The following TSHZ2 variants were observed in gnomAD, a reference collection of about 807,000 sequenced individuals.
The protein encoded by TSHZ2 is teashirt zinc finger homeobox 2, also known as teashirt homolog 2.
In TSHZ2, 21 loss-of-function variants were observed where a neutral mutation model predicts 74.4. The ratio of observed to expected loss-of-function variants is 0.28; its 90% CI spans 0.20 to 0.41. TSHZ2 has a LOEUF of 0.41. TSHZ2 is among the 10% of genes least tolerant of loss of function. The pLI is 1.00. For synonymous variants in TSHZ2, 540 were observed against 515.3 expected, an observed-to-expected ratio of 1.05 and a Z score of -0.65; for missense variants, 1,244 against 1,293.5, an observed-to-expected ratio of 0.96 and a Z score of 0.59.
chr20:53,139,104 A>G (rs879302256), intron 1 of TSHZ2, among the ~76,000 whole-genome samples: 3 of 152,036 alleles, frequency 2.0e-5, no homozygotes, highest in Non-Finnish European at 4.4e-5. Flanking sequence ...TCTTTAAATT[A>G]CTCTGAAACA....
At chr20:53,034,642 C>G (rs1454762518) in intron 1 of TSHZ2, among the ~76,000 whole-genome samples, 3 of 152,214 alleles carry the variant, frequency 2.0e-5, no homozygotes, top group African/African-American at 4.8e-5. Flanking sequence ...AACATGAAAA[C>G]AGTTACCAAT....
intron 2 of TSHZ2, among the ~76,000 whole-genome samples, chr20:53,476,364 T>A (rs979411550): frequency 2.0e-5 from 3 of 150,070 alleles, no homozygotes; most frequent in Non-Finnish European, 4.5e-5. Context: ...TATAGGCAAA[T>A]CAATAAGTGT....
At chr20:53,089,325 T>C (rs1488772011) in intron 1 of TSHZ2, among the ~76,000 whole-genome samples, 3 of 119,382 alleles carry the variant, frequency 2.5e-5, no homozygotes, top group Non-Finnish European at 3.5e-5. Flanking sequence ...ATTTTCTTTT[T>C]TTTTTTTTTT....
chr20:53,088,586 C>T (rs933628526), intron 1 of TSHZ2, among the ~76,000 whole-genome samples: 6 of 152,152 alleles, frequency 3.9e-5, no homozygotes, highest in African/African-American at 4.8e-5. Flanking sequence ...AAATTTACCC[C>T]GTGCAAATGA....
chr20:53,317,467 A>G (rs1979071394), intron 2 of TSHZ2, among the ~76,000 whole-genome samples: 1 of 152,188 alleles, frequency 6.6e-6, no homozygotes, highest in South Asian at 2.1e-4. Context: ...GAAATACTTA[A>G]AATAAAGACG....
At chr20:53,142,324 C>T (rs141586935) in intron 1 of TSHZ2, among the ~76,000 whole-genome samples, 1,919 of 152,302 alleles carry the variant, frequency 0.013, 14 homozygotes, top group Non-Finnish European at 0.018. Flanking sequence ...ACAGGGCTTC[C>T]GGTTCAGACC....
Position 53,254,436 on chromosome 20 carries a change from T to C in TSHZ2, c.978T>C (p.Asp326=), listed in dbSNP as rs776809414. Residue 326 remains aspartate (D), a synonymous_variant, in exon 2 of 3, where the codon GAT becomes GAC. Transcript: ENST00000371497. ...CCCCGGCTAAGAAACGCGTTTTTGATGTCAATCGGCCGTGTTCCCCCGATT... is the reference window on the plus strand; with the variant it reads ...CCCCGGCTAAGAAACGCGTTTTTGACGTCAATCGGCCGTGTTCCCCCGATT... ...MVTPAKKRVF[D]VNRPCSPDST... 3 of 1,613,112 alleles carry C rather than the reference T, an allele frequency of 1.9e-6. No homozygotes were observed. Among genetic ancestry groups the C allele is most frequent in the Admixed American group, 3.3e-5 (2 of 59,988 alleles).
intron 2 of TSHZ2, among the ~76,000 whole-genome samples, chr20:53,455,771 T>A (rs1419147574): frequency 6.7e-6 from 1 of 150,340 alleles, no homozygotes; most frequent in African/African-American, 2.4e-5. Context: ...CCATGTGATC[T>A]CATTGTTCAA....
At chr20:53,230,850 C>T (rs1008720819) in intron 1 of TSHZ2, among the ~76,000 whole-genome samples, 1 of 151,908 alleles carries the variant, frequency 6.6e-6, no homozygotes, top group Non-Finnish European at 1.5e-5. Flanking sequence ...CGAGATCACA[C>T]CACTGCACTC....
intron 1 of TSHZ2, among the ~76,000 whole-genome samples, chr20:53,012,312 C>A (rs1243697844): frequency 6.6e-6 from 1 of 152,108 alleles, no homozygotes; most frequent in Admixed American, 6.6e-5. Context: ...AGTTAGCCAC[C>A]AATCGGCCTT....
At chr20:53,324,305 G>C (rs1321346620) in intron 2 of TSHZ2, among the ~76,000 whole-genome samples, 1 of 152,180 alleles carries the variant, frequency 6.6e-6, no homozygotes, top group African/African-American at 2.4e-5. Flanking sequence ...GGCGGGTCCA[G>C]TGTAGAAGCC....
At chr20:53,290,176 C>T (rs1018262402) in intron 2 of TSHZ2, among the ~76,000 whole-genome samples, 6 of 152,030 alleles carry the variant, frequency 3.9e-5, no homozygotes, top group African/African-American at 1.4e-4. Context: ...TTCAACAGGA[C>T]GTGCTCTCTT....
chr20:53,471,870 G>C (rs991136580), intron 2 of TSHZ2, among the ~76,000 whole-genome samples: 1 of 139,140 alleles, frequency 7.2e-6, no homozygotes, highest in Non-Finnish European at 1.5e-5. Flanking sequence ...ACAATGGCAT[G>C]ATCTCGGCTC....
intron 2 of TSHZ2, among the ~76,000 whole-genome samples, chr20:53,436,539 A>AT (rs1368192791): frequency 0.19 from 16,493 of 86,790 alleles, 2,224 homozygotes; most frequent in Non-Finnish European, 0.22. Flanking sequence ...TATTATTATT[A>AT]TTATTATTAT....
At chr20:53,286,529 C>A (rs1568852402) in intron 2 of TSHZ2, among the ~76,000 whole-genome samples, 2 of 151,908 alleles carry the variant, frequency 1.3e-5, no homozygotes, top group African/African-American at 4.8e-5. Flanking sequence ...GGTCTTAGGG[C>A]AGAAATAGCC....
intron 2 of TSHZ2, among the ~76,000 whole-genome samples, chr20:53,349,003 G>C (rs1174934769): frequency 1.3e-5 from 2 of 152,204 alleles, no homozygotes; most frequent in East Asian, 3.9e-4. Flanking sequence ...GACCTGGCCT[G>C]CTTCACTAGT....
At chr20:53,461,396 G>A (rs1249259568) in intron 2 of TSHZ2, 3 of 154,290 alleles carry the variant, frequency 1.9e-5, no homozygotes, top group Non-Finnish European at 4.3e-5. Flanking sequence ...CCCTGCTTTG[G>A]CTGGCGCACG....
chr20:53,152,531 C>G (rs748623427), intron 1 of TSHZ2, among the ~76,000 whole-genome samples: 15 of 152,204 alleles, frequency 9.9e-5, no homozygotes, highest in Non-Finnish European at 2.2e-4. Context: ...CACAGAAACA[C>G]AGACCAGGGG....
At chr20:53,154,900 C>T (rs550871125) in intron 1 of TSHZ2, among the ~76,000 whole-genome samples, 6 of 152,028 alleles carry the variant, frequency 3.9e-5, no homozygotes, top group Admixed American at 3.3e-4. Flanking sequence ...TATTGACATG[C>T]ATTTAATTAG....
Sources: allele counts gnomAD v4.1 joint callset (sites outside exome capture counted in the v4.1 genomes callset), GRCh38; gene constraint gnomAD v4.1.1; transcripts MANE v1.5; gene names NCBI Gene and HGNC (gene_info 2026-07-23, HGNC 2026-07-21).